Variants in AKAP7 observed in about 807,000 individuals in gnomAD.
AKAP7 encodes A kinase (PRKA) anchor protein 7.
AKAP7 carries 39 observed loss-of-function variants against 39.5 expected under a neutral mutation model. The observed-to-expected ratio is 0.99, with a 90% CI of 0.76 to 1.29. AKAP7 has a LOEUF of 1.29. Among genes scored for constraint, AKAP7 ranks in the 50% most tolerant of loss-of-function variants. The pLI is 0.00. For synonymous variants in AKAP7, 140 were observed against 139.1 expected (o/e 1.01, Z -0.05); for missense variants, 414 against 407.7 (o/e 1.02, Z -0.13).
chr6:131,244,863 A>C (rs191533867), intron 7 of AKAP7, among the ~76,000 whole-genome samples: 1 of 152,282 alleles, frequency 6.6e-6, no homozygotes, highest in Admixed American at 6.5e-5. Flanking sequence ...TCCATTTGCT[A>C]TACATATTAA....
At chr6:131,244,944 C>T (rs895198739) in intron 7 of AKAP7, among the ~76,000 whole-genome samples, 6 of 152,026 alleles carry the variant, frequency 3.9e-5, no homozygotes, top group Non-Finnish European at 8.8e-5. Flanking sequence ...AACAAAAGCA[C>T]TGTAAAGAGA....
At chr6:131,133,066 ATTATT>A (rs768487768), upstream of AKAP7, among the ~76,000 whole-genome samples, 71 of 152,266 alleles carry the variant, frequency 4.7e-4, no homozygotes, top group Admixed American at 1.8e-3. Flanking sequence ...TAATTTTCCA[ATTATT>A]TTATGTCTCC....
chr6:131,219,354 G>A (rs374442722), intron 6 of AKAP7, among the ~76,000 whole-genome samples: 2 of 151,512 alleles, frequency 1.3e-5, no homozygotes, highest in East Asian at 3.9e-4. Flanking sequence ...TCTTTCCTTG[G>A]TATCTCAACA....
rs149075109 is a variant in AKAP7, at chr6:131,183,828, C to T, written c.589+14555C>T. Among the ~76,000 whole-genome samples the T allele has an allele frequency of 8.3e-4, 126 of 152,132 alleles. 1 individual carries two copies. The highest frequency in any genetic ancestry group is 2.9e-3 in the African/African-American group (121 of 41,498). On this transcript the variant is annotated intron_variant, in intron 5 of 7. Transcript: ENST00000431975. ...GCCACTCTGGAGGAAGGAGGTGAGG[C>T]TAAGTGACACAGGGGCATGGAAAGC...
chr6:131,266,104 A>G (rs1813777072), intron 7 of AKAP7, among the ~76,000 whole-genome samples: 1 of 152,142 alleles, frequency 6.6e-6, no homozygotes, highest in Non-Finnish European at 1.5e-5. Context: ...AGTGGGGCCA[A>G]CTCTGGCTTA....
At chr6:131,128,338 A>G in the AKAP7 span, among the ~76,000 whole-genome samples, 3 of 152,318 alleles carry the variant, frequency 2.0e-5, no homozygotes, top group South Asian at 6.2e-4. Flanking sequence ...GAGGTAAAAT[A>G]ACAGCCATTT....
intron 1 of AKAP7, among the ~76,000 whole-genome samples, chr6:131,139,177 G>A (rs1160205088): frequency 6.6e-6 from 1 of 152,160 alleles, no homozygotes; most frequent in Non-Finnish European, 1.5e-5. Flanking sequence ...TTAGAGAACT[G>A]GAGGAAGTGT....
chr6:131,211,037 G>T (rs1808596462), intron 6 of AKAP7, among the ~76,000 whole-genome samples: 1 of 152,198 alleles, frequency 6.6e-6, no homozygotes, highest in Admixed American at 6.5e-5. Context: ...TCAACAGGTG[G>T]TAACTTTTCC....
At chr6:131,146,878 T>C (rs1404699943) in intron 2 of AKAP7, among the ~76,000 whole-genome samples, 7 of 152,202 alleles carry the variant, frequency 4.6e-5, no homozygotes, top group Admixed American at 4.6e-4. Flanking sequence ...GTGCTGGACA[T>C]TGGGAATATT....
chr6:131,184,245 G>A (rs1479261020), intron 5 of AKAP7: 1 of 436,762 alleles, frequency 2.3e-6, no homozygotes, highest in African/African-American at 2.0e-5. Context: ...AGAGGAGGAG[G>A]AAGGGAAAGG....
At chr6:131,136,004 T>A (rs1800508016) in intron 1 of AKAP7, among the ~76,000 whole-genome samples, 1 of 152,286 alleles carries the variant, frequency 6.6e-6, no homozygotes, top group African/African-American at 2.4e-5. Context: ...GCATTGTGGG[T>A]CCGACAGGAG....
intron 7 of AKAP7, among the ~76,000 whole-genome samples, chr6:131,248,493 A>G (rs1398482301): frequency 6.6e-6 from 1 of 152,226 alleles, no homozygotes; most frequent in Non-Finnish European, 1.5e-5. Flanking sequence ...ATAATTGTTC[A>G]CTGGTTGTTA....
intron 6 of AKAP7, among the ~76,000 whole-genome samples, chr6:131,216,442 C>T (rs776849900): frequency 7.2e-5 from 11 of 152,154 alleles, no homozygotes; most frequent in African/African-American, 2.4e-4. Context: ...TAAAAATACT[C>T]GTCATGCATT....
rs2128237076 is a variant in AKAP7, at chr6:131,159,100, TTTTTTA to T, written c.152-953_152-948del. Among the ~76,000 whole-genome samples, 4 of 152,122 alleles carry T rather than the reference TTTTTTA, an allele frequency of 2.6e-5. No individual in the cohort carries two copies. In the East Asian group the frequency reaches 7.8e-4, roughly 30 times the overall value. ...TCAGTTTATTTTATTTTATTTTTTA[TTTTTTA>T]TTTTTGAGACGGAGTCTCCCTATGT... On this transcript the variant is annotated intron_variant, in intron 2 of 7. Coordinates refer to ENST00000431975, the MANE Select transcript of AKAP7 (RefSeq NM_016377.4).
intron 7 of AKAP7, among the ~76,000 whole-genome samples, chr6:131,257,109 A>AAAG (rs773947866): frequency 6.6e-6 from 1 of 152,130 alleles, no homozygotes; most frequent in African/African-American, 2.4e-5. Flanking sequence ...ACCTATTGAG[A>AAAG]AAATTAAATA....
chr6:131,144,053 T>C (rs1251148459), intron 1 of AKAP7, among the ~76,000 whole-genome samples: 2 of 137,578 alleles, frequency 1.5e-5, no homozygotes, highest in Admixed American at 7.7e-5. Context: ...ACACAGCACA[T>C]GTTTCAGAGA....
chr6:131,133,540 G>C (rs141816648), upstream of AKAP7, among the ~76,000 whole-genome samples: 13 of 152,258 alleles, frequency 8.5e-5, no homozygotes, highest in African/African-American at 3.1e-4. Context: ...GTGTTGATAA[G>C]ACTCTGTATT....
intron 7 of AKAP7, among the ~76,000 whole-genome samples, chr6:131,256,082 G>A (rs1812823899): frequency 1.3e-5 from 2 of 152,156 alleles, no homozygotes; most frequent in South Asian, 4.1e-4. Context: ...GGTGCCATGG[G>A]GCTGAGAGCT....
Position 131,282,066 on chromosome 6 carries a change from AT to A in AKAP7, c.*343del. The A allele has an allele frequency of 8.8e-7, 1 of 1,136,926 alleles. No homozygotes were observed. The allele number at this position is 1,136,926 out of a possible 1,614,324, so 70.4% of individuals were successfully genotyped here. ...GCCTTGCCATCAATGGAATACTGCCATTTATATTGCTTAGCAGGGCATTTGA... is the reference window on the plus strand; with the variant it reads ...GCCTTGCCATCAATGGAATACTGCCATTATATTGCTTAGCAGGGCATTTGA... On this transcript the variant is annotated 3_prime_UTR_variant, in exon 8 of 8. Transcript: ENST00000431975.
Sources: gnomAD v4.1 joint callset for allele counts (sites outside exome capture counted in the v4.1 genomes callset) on GRCh38, gnomAD v4.1.1 for gene constraint, MANE v1.5 for transcripts, NCBI Gene and HGNC (gene_info 2026-07-23, HGNC 2026-07-21) for gene names.